The following HINFP variants were observed in gnomAD, a reference collection of about 807,000 sequenced individuals.
HINFP encodes the protein MBD2 (methyl-CpG-binding protein)-interacting zinc finger protein.
In HINFP, 20 loss-of-function variants were observed where a neutral mutation model predicts 50.1. The observed-to-expected ratio is 0.40, with a 90% CI of 0.28 to 0.58. HINFP has a LOEUF of 0.58. Among genes scored for constraint, HINFP ranks in the 20% least tolerant of loss-of-function variants. HINFP has a pLI of 0.45. For synonymous variants in HINFP, 247 were observed against 243.7 expected, an observed-to-expected ratio of 1.01 and a Z score of -0.13; for missense variants, 505 against 664.1, an observed-to-expected ratio of 0.76 and a Z score of 2.63.
chr11:119,127,126 G>T lies in HINFP; in HGVS notation c.181+1G>T. On this transcript the variant is annotated splice_donor_variant, in intron 2 of 9. Coordinates refer to ENST00000350777, the MANE Select transcript of HINFP (RefSeq NM_198971.3). LOFTEE classifies it high-confidence loss of function. ...GAGGAAGAGGAGGATGACCCACTTG[G>T]TAAGAGAGCAGGACACAGGAAGGGG... is the stretch of plus-strand genomic sequence containing the variant. 6.2e-7 allele frequency: 1 copy of T among 1,607,946 alleles called. No individual in the cohort carries two copies. Among genetic ancestry groups the T allele is most frequent in the Non-Finnish European group, 8.5e-7 (1 of 1,178,028 alleles).
chr11:119,132,994 G>A lies in HINFP; in HGVS notation c.1006G>A (p.Val336Ile), dbSNP rs772906670. The A allele has an allele frequency of 1.2e-6, 2 of 1,614,152 alleles. No homozygotes were observed. The highest frequency in any genetic ancestry group is 1.1e-5 in the South Asian group (1 of 91,094). ...CTCTATCAAGTCCCATTACCGCAAA[G>A]TACATGAAGTGAGTGGGGCTGGTGT... ...LCSIKSHYRK[V>I]HEGDSEPRYK... Residue 336 changes from valine (V) to isoleucine (I), a missense_variant, in exon 8 of 10, where the codon GTA (valine) becomes ATA (isoleucine). Coordinates refer to ENST00000350777, the MANE Select transcript of HINFP (RefSeq NM_198971.3).
intron 6 of HINFP, 26 bp downstream of exon 6, chr11:119,132,599 C>G: frequency 6.2e-7 from 1 of 1,614,066 alleles, no homozygotes; most frequent in Non-Finnish European, 8.5e-7. Flanking sequence ...CCCACAGCCT[C>G]CCTCCTGCCC....
At chr11:119,132,229 C>T (rs771269918) in intron 5 of HINFP, 20 of 616,638 alleles carry the variant, frequency 3.2e-5, no homozygotes, top group Non-Finnish European at 4.8e-5. Flanking sequence ...GGCTTCTTAT[C>T]CCCCTTTTTG....
At chr11:119,127,158 TCAAGG>T in intron 2 of HINFP, 33 bp downstream of exon 2, 1 of 1,537,878 alleles carries the variant, frequency 6.5e-7, no homozygotes. Context: ...GGGGAGGAGC[TCAAGG>T]AAAGGTGGAA....
intron 1 of HINFP, chr11:119,124,132 A>G (rs1346465044): frequency 1.3e-5 from 2 of 152,118 alleles, no homozygotes; most frequent in African/African-American, 4.8e-5. Context: ...AATATTTGTA[A>G]TAGGGATTCA....
intron 2 of HINFP, 180 bp downstream of exon 2, chr11:119,127,305 A>G (rs1947462299): frequency 3.8e-6 from 2 of 520,740 alleles, no homozygotes; most frequent in Non-Finnish European, 6.6e-6. Context: ...CAAGGATATA[A>G]GGAATAAATC....
At chr11:119,127,938 C>T (rs969685143) in intron 2 of HINFP, among the ~76,000 whole-genome samples, 1 of 151,890 alleles carries the variant, frequency 6.6e-6, no homozygotes, top group African/African-American at 2.4e-5. Context: ...TCACTGCAGC[C>T]TTTGCCTCCC....
At chr11:119,130,626 A>G in intron 2 of HINFP, 99 bp from the exon 3 acceptor site, 2 of 1,030,676 alleles carry the variant, frequency 1.9e-6, no homozygotes, top group East Asian at 4.8e-5. Flanking sequence ...CAGCCTCCTC[A>G]CGAGTCCAGC....
rs1947971858 is a variant in HINFP at position 119,134,553 on chromosome 11, G to A, written c.*55G>A. ...AGGTCCTGAAGTTTGAGCCAGGCAA[G>A]TGGCAGTGCCCCTAGTGGGCAGCCG... On this transcript the variant is annotated 3_prime_UTR_variant, in exon 10 of 10. Coordinates refer to ENST00000350777, the MANE Select transcript of HINFP (RefSeq NM_198971.3). The surrounding 1 kb of genome is among the most constrained non-coding windows in gnomAD (Gnocchi z 4.3). 19 of 1,420,122 alleles carry A rather than the reference G, an allele frequency of 1.3e-5. No individual in the cohort carries two copies. The highest frequency in any genetic ancestry group is 2.3e-4 in the Middle Eastern group (1 of 4,272). The allele number at this position is 1,420,122 out of a possible 1,614,324, so 88.0% of individuals were successfully genotyped here. A position where few individuals can be genotyped will look rare whatever the true frequency, so the allele number is the denominator to read the frequency against.
In HINFP at chr11:119,132,740, CAGTG is replaced by C. The variant is rs1158144050; in HGVS notation, c.837_840del (p.Ser279ArgfsTer120). 3 of 1,613,858 alleles carry C rather than the reference CAGTG, an allele frequency of 1.9e-6. No individual in the cohort carries two copies. The highest frequency in any genetic ancestry group is 3.3e-5 in the Admixed American group (2 of 60,022). ...TCCGCAACCACATGCGCTTTCGTCA[CAGTG>C]AGGACCGGCCCTTTAAATGTGACTG... On this transcript the variant is annotated frameshift_variant, in exon 7 of 10. Transcript: ENST00000350777. LOFTEE classifies it high-confidence loss of function.
chr11:119,132,464 A>G (rs774768553), intron 5 of HINFP, 32 bp from the exon 6 acceptor site: 377 of 1,610,080 alleles, frequency 2.3e-4, no homozygotes, highest in Non-Finnish European at 3.1e-4. Flanking sequence ...TATCACCTAC[A>G]GCCCTCCTTT....
At chr11:119,130,407 A>G (rs1324051678) in intron 2 of HINFP, 2 of 338,944 alleles carry the variant, frequency 5.9e-6, no homozygotes, top group Non-Finnish European at 1.1e-5. Flanking sequence ...CACCATGTAT[A>G]TCCCCGCTTT....
chr11:119,133,739 C>T, intron 9 of HINFP: 1 of 378,296 alleles, frequency 2.6e-6, no homozygotes, highest in Non-Finnish European at 4.7e-6. Context: ...ATAAATGGTG[C>T]CAAAAAGTCC....
chr11:119,132,640 C>T, intron 6 of HINFP, 21 bp from the exon 7 acceptor site: 1 of 1,614,024 alleles, frequency 6.2e-7, no homozygotes, highest in Non-Finnish European at 8.5e-7. Flanking sequence ...CACATCACAG[C>T]CTCCTCTCTG....
chr11:119,126,339 A>G (rs1487920254), intron 1 of HINFP: 1 of 145,312 alleles, frequency 6.9e-6, no homozygotes, highest in African/African-American at 2.6e-5. Flanking sequence ...CTGGGAGATG[A>G]GCGAAACTCA....
At chr11:119,127,615 C>G (rs1435227864) in intron 2 of HINFP, among the ~76,000 whole-genome samples, 1 of 151,746 alleles carries the variant, frequency 6.6e-6, no homozygotes, top group Non-Finnish European at 1.5e-5. Context: ...ATGATCATAG[C>G]TCACTGCAGC....
At chr11:119,123,374 G>A (rs1307598782) in intron 1 of HINFP, among the ~76,000 whole-genome samples, 1 of 152,120 alleles carries the variant, frequency 6.6e-6, no homozygotes, top group Non-Finnish European at 1.5e-5. Context: ...CTCAATAGAT[G>A]TTCGTTTCCC....
intron 9 of HINFP, chr11:119,133,714 A>G: frequency 3.1e-6 from 1 of 318,586 alleles, no homozygotes; most frequent in South Asian, 7.8e-5. Flanking sequence ...CTTGTAAGGC[A>G]TGGTGCCAAA....
At position 119,134,776 on chromosome 11, in the gene HINFP, A is replaced by C; in HGVS notation, c.*278A>C. ...AAAGAGGCTGTTATCAGGCTTAACC[A>C]TAACCCTCAAGATCTGCTTGACAGT... On this transcript the variant is annotated 3_prime_UTR_variant, in exon 10 of 10. Transcript: ENST00000350777. The surrounding 1 kb of genome is among the most constrained non-coding windows in gnomAD (Gnocchi z 4.3). 2.9e-6 allele frequency: 1 copy of C among 350,228 alleles called. No homozygotes were observed. The allele number at this position is 350,228 out of a possible 1,614,324, so 21.7% of individuals were successfully genotyped here. A position where few individuals can be genotyped will look rare whatever the true frequency, so the allele number is the denominator to read the frequency against.
Sources: gnomAD v4.1 joint callset for allele counts (sites outside exome capture counted in the v4.1 genomes callset) on GRCh38, gnomAD v4.1.1 for gene constraint, Gnocchi (gnomAD v3.1) non-coding constraint, MANE v1.5 for transcripts, NCBI Gene and HGNC (gene_info 2026-07-23, HGNC 2026-07-21) for gene names.